Variants in PTBP3 observed in about 807,000 individuals in gnomAD.
The protein encoded by PTBP3 is polypyrimidine tract binding protein 3, also known as polypyrimidine tract-binding protein 3.
A neutral mutation model predicts 58.7 loss-of-function variants in PTBP3; 20 were observed. The observed-to-expected ratio is 0.34, with a 90% CI of 0.24 to 0.50. The LOEUF (loss-of-function observed/expected upper bound fraction) is 0.50, where lower values mean the gene tolerates loss of function less well. Among genes scored for constraint, PTBP3 ranks in the 20% least tolerant of loss-of-function variants. The pLI, the probability that PTBP3 is intolerant of heterozygous loss-of-function variation, is 0.98. For synonymous variants in PTBP3, 185 were observed against 219.8 expected (o/e 0.84, Z 1.40); for missense variants, 509 against 637.2 (o/e 0.80, Z 2.17).
the PTBP3 span, among the ~76,000 whole-genome samples, chr9:112,364,388 A>G: frequency 6.6e-6 from 1 of 152,110 alleles, no homozygotes; most frequent in Non-Finnish European, 1.5e-5. Flanking sequence ...GCCAGGCACC[A>G]TGGCTCATGC....
intron 3 of PTBP3, 128 bp from the exon 4 acceptor site, chr9:112,268,323 G>T: frequency 1.1e-6 from 1 of 900,918 alleles, no homozygotes. Flanking sequence ...CCCAAGGGGA[G>T]GGAAAAACAA....
At chr9:112,227,824 T>A (rs1835051125) in intron 11 of PTBP3, among the ~76,000 whole-genome samples, 197 bp from the exon 12 acceptor site, 1 of 152,072 alleles carries the variant, frequency 6.6e-6, no homozygotes, top group African/African-American at 2.4e-5. Context: ...AGAAAAGCAA[T>A]TTAAAACAAA....
Position 112,222,462 on chromosome 9 carries a change from T to C in PTBP3, c.*1389A>G. On this transcript the variant is annotated 3_prime_UTR_variant, in exon 14 of 14. Transcript: ENST00000374257. Reference sequence around the variant, plus strand: ...AAAAACCAAGTAATCCTGAGACAAATTCTGATGGGTGAAAAAGATGAAACT... The same window carrying C: ...AAAAACCAAGTAATCCTGAGACAAACTCTGATGGGTGAAAAAGATGAAACT... 1 of 985,470 alleles carries C rather than the reference T, an allele frequency of 1.0e-6. No individual in the cohort carries two copies. Among genetic ancestry groups the C allele is most frequent in the Non-Finnish European group, 1.2e-6 (1 of 829,888 alleles). 61.0% of individuals were successfully genotyped at this position (985,470 alleles called of 1,614,324 possible). A position where few individuals can be genotyped will look rare whatever the true frequency, so the allele number is the denominator to read the frequency against.
intron 8 of PTBP3, 123 bp downstream of exon 8, chr9:112,234,697 G>T: frequency 2.4e-6 from 2 of 827,826 alleles, no homozygotes; most frequent in Non-Finnish European, 3.8e-6. Flanking sequence ...CACTTCTACA[G>T]CTGATATGCA....
Position 112,222,881 on chromosome 9 carries a change from ATTT to A in PTBP3, c.*967_*969del. 1 of 885,466 alleles carries A rather than the reference ATTT, an allele frequency of 1.1e-6. No homozygotes were observed. Among genetic ancestry groups the A allele is most frequent in the Non-Finnish European group, 1.4e-6 (1 of 738,712 alleles). 54.9% of individuals were successfully genotyped at this position (885,466 alleles called of 1,614,324 possible). A position where few individuals can be genotyped will look rare whatever the true frequency, so the allele number is the denominator to read the frequency against. ...GTGGTACAAAAAACCCTTGAGATTA[ATTT>A]TTTTCTAAAAGAAGACCTTACCAAA... On this transcript the variant is annotated 3_prime_UTR_variant, in exon 14 of 14. Transcript: ENST00000374257.
chr9:112,319,637 A>C (rs926373891), intron 1 of PTBP3, among the ~76,000 whole-genome samples: 7 of 152,224 alleles, frequency 4.6e-5, no homozygotes, highest in Non-Finnish European at 8.8e-5. Flanking sequence ...AATATTAAAA[A>C]TACAACTACC....
At chr9:112,300,395 T>C (rs1483750641) in intron 1 of PTBP3, among the ~76,000 whole-genome samples, 1 of 152,208 alleles carries the variant, frequency 6.6e-6, no homozygotes, top group Non-Finnish European at 1.5e-5. Flanking sequence ...ATGCATGCAA[T>C]GACTATACAA....
chr9:112,228,538 A>T, intron 10 of PTBP3, 66 bp from the exon 11 acceptor site: 3 of 1,138,566 alleles, frequency 2.6e-6, no homozygotes, highest in Non-Finnish European at 3.7e-6. Context: ...TAATTTTACT[A>T]ATATACTTAA....
chr9:112,321,557 CACCT>C (rs1829953911), intron 1 of PTBP3, among the ~76,000 whole-genome samples: 2 of 150,200 alleles, frequency 1.3e-5, no homozygotes, highest in Admixed American at 1.3e-4. Context: ...GAAAGAAAAT[CACCT>C]AACAAACTAA....
At chr9:112,301,909 T>C (rs1828951307) in intron 1 of PTBP3, among the ~76,000 whole-genome samples, 1 of 152,078 alleles carries the variant, frequency 6.6e-6, no homozygotes, top group Non-Finnish European at 1.5e-5. Flanking sequence ...AATTAAAAAA[T>C]AAAATATAGG....
chr9:112,263,432 A>G (rs1836679232), intron 4 of PTBP3, among the ~76,000 whole-genome samples: 1 of 152,198 alleles, frequency 6.6e-6, no homozygotes, highest in East Asian at 1.9e-4. Flanking sequence ...TTACTAACAC[A>G]ACAAATGGAA....
the PTBP3 span, among the ~76,000 whole-genome samples, chr9:112,378,858 T>C: frequency 1.3e-5 from 2 of 152,126 alleles, no homozygotes; most frequent in African/African-American, 4.8e-5. Flanking sequence ...GCAGGTGATA[T>C]GCAGGAGGAA....
chr9:112,273,367 G>A (rs922481023), intron 3 of PTBP3, among the ~76,000 whole-genome samples: 5 of 152,128 alleles, frequency 3.3e-5, no homozygotes, highest in African/African-American at 1.2e-4. Context: ...GATCAAGGTA[G>A]GAAAAACAGC....
At chr9:112,272,103 A>G (rs1827414144) in intron 3 of PTBP3, among the ~76,000 whole-genome samples, 1 of 151,316 alleles carries the variant, frequency 6.6e-6, no homozygotes, top group African/African-American at 2.4e-5. Context: ...ACAGAGTCTC[A>G]CTACACTGGA....
At chr9:112,264,757 A>C (rs1564416641) in intron 4 of PTBP3, among the ~76,000 whole-genome samples, 1 of 152,238 alleles carries the variant, frequency 6.6e-6, no homozygotes, top group East Asian at 1.9e-4. Context: ...ATTGGGAAGA[A>C]ATGAAGGCTA....
At chr9:112,258,823 T>C (rs1836475801) in intron 5 of PTBP3, among the ~76,000 whole-genome samples, 1 of 152,114 alleles carries the variant, frequency 6.6e-6, no homozygotes, top group East Asian at 1.9e-4. Context: ...CTGGGTAACA[T>C]AGCAAGACCC....
At chr9:112,269,432 T>C (rs1447385452) in intron 3 of PTBP3, among the ~76,000 whole-genome samples, 1 of 152,160 alleles carries the variant, frequency 6.6e-6, no homozygotes, top group Non-Finnish European at 1.5e-5. Context: ...CATTTATGAA[T>C]AAAATTAATA....
chr9:112,227,334 G>A, intron 12 of PTBP3, 77 bp downstream of exon 12: 2 of 1,472,258 alleles, frequency 1.4e-6, no homozygotes, highest in Non-Finnish European at 9.5e-7. Flanking sequence ...AACAATTTCA[G>A]AAGTTTTAAC....
At chr9:112,348,660 C>G in the PTBP3 span, among the ~76,000 whole-genome samples, 1 of 152,256 alleles carries the variant, frequency 6.6e-6, no homozygotes, top group Non-Finnish European at 1.5e-5. Context: ...ACACCTGAAT[C>G]TCTCAAGTAC....
Sources: allele counts gnomAD v4.1 joint callset (sites outside exome capture counted in the v4.1 genomes callset), GRCh38; gene constraint gnomAD v4.1.1; transcripts MANE v1.5; gene names NCBI Gene and HGNC (gene_info 2026-07-23, HGNC 2026-07-21).